Variants in KCTD8 observed in about 807,000 individuals in gnomAD.
The protein encoded by KCTD8 is BTB/POZ domain-containing protein KCTD8.
KCTD8 carries 27 observed loss-of-function variants against 31.5 expected under a neutral mutation model. The ratio of observed to expected loss-of-function variants is 0.86; its 90% confidence interval spans 0.63 to 1.18. The LOEUF is 1.18. KCTD8 is among the 50% of genes most tolerant of loss of function. The probability of loss-of-function intolerance (pLI) is 0.00; values close to 1 mark genes in which losing one functional copy is unlikely to be tolerated. For synonymous variants in KCTD8, 290 were observed against 280.0 expected, an observed-to-expected ratio of 1.04 and a Z score of -0.36; for missense variants, 658 against 647.7, an observed-to-expected ratio of 1.02 and a Z score of -0.17.
intron 1 of KCTD8, among the ~76,000 whole-genome samples, chr4:44,435,623 A>T (rs1286603376): frequency 6.6e-6 from 1 of 152,114 alleles, no homozygotes; most frequent in African/African-American, 2.4e-5. Context: ...AAATGCCATA[A>T]GGGGAGTTAT....
chr4:44,187,134 C>T lies in KCTD8; in HGVS notation c.962-11884G>A, dbSNP rs117401219. 4.5e-4 allele frequency among the ~76,000 whole-genome samples: 69 copies of T among 152,210 alleles called. No homozygotes were observed. The East Asian group carries it at 0.012, about 26-fold the overall frequency. ...CCTTTGGCAAAGTTCCTACCTTATC[C>T]CTTTTAGTTTATTAAAGAGAAATAA... On this transcript the variant is annotated intron_variant, in intron 1 of 1. Transcript: ENST00000360029.
At chr4:44,431,200 C>T (rs546073220) in intron 1 of KCTD8, among the ~76,000 whole-genome samples, 1 of 151,692 alleles carries the variant, frequency 6.6e-6, no homozygotes, top group South Asian at 2.1e-4. Flanking sequence ...GAGCAGTTCA[C>T]AGCAAAACTG....
chr4:44,317,300 C>T (rs546678671), intron 1 of KCTD8, among the ~76,000 whole-genome samples: 2 of 117,614 alleles, frequency 1.7e-5, no homozygotes, highest in Admixed American at 1.0e-4. Flanking sequence ...ACTGCAGTGG[C>T]GCAATCTCGG....
In KCTD8 at chr4:44,278,688, G is replaced by T. The variant is rs76720145; in HGVS notation, c.962-103438C>A. ...AACAGTATTCAAATTTTAATGAATG[G>T]TATCTAAAATCAGAAATGATGAGAG... On this transcript the variant is annotated intron_variant, in intron 1 of 1. Transcript: ENST00000360029. Among the ~76,000 whole-genome samples, 980 of 152,042 alleles carry T rather than the reference G, an allele frequency of 6.4e-3. 5 individuals carry two copies. Among genetic ancestry groups the T allele is most frequent in the Non-Finnish European group, 0.011 (760 of 67,942 alleles).
At chr4:44,199,495 A>G (rs1404164707) in intron 1 of KCTD8, among the ~76,000 whole-genome samples, 1 of 152,130 alleles carries the variant, frequency 6.6e-6, no homozygotes. Flanking sequence ...ATCAATACCA[A>G]TAAGACCTCT....
chr4:44,231,153 A>C (rs186571534), intron 1 of KCTD8, among the ~76,000 whole-genome samples: 1 of 152,258 alleles, frequency 6.6e-6, no homozygotes, highest in Admixed American at 6.5e-5. Flanking sequence ...GCTATTCAAT[A>C]ATCTCAATTA....
chr4:44,437,039 G>T (rs987723122), intron 1 of KCTD8, among the ~76,000 whole-genome samples: 1 of 148,066 alleles, frequency 6.8e-6, no homozygotes, highest in African/African-American at 2.5e-5. Flanking sequence ...CTGTCCAGAA[G>T]TGCACAATGA....
intron 1 of KCTD8, among the ~76,000 whole-genome samples, chr4:44,350,067 C>A (rs1719158249): frequency 1.3e-5 from 2 of 152,102 alleles, no homozygotes; most frequent in African/African-American, 2.4e-5. Flanking sequence ...ATAGATTTTG[C>A]AAATGTTTAC....
intron 1 of KCTD8, among the ~76,000 whole-genome samples, chr4:44,257,852 C>T (rs758887856): frequency 6.6e-6 from 1 of 151,940 alleles, no homozygotes; most frequent in South Asian, 2.1e-4. Flanking sequence ...TGTCAGGGCA[C>T]AAGTCTTCAT....
At chr4:44,236,649 T>C (rs534069432) in intron 1 of KCTD8, among the ~76,000 whole-genome samples, 1 of 152,266 alleles carries the variant, frequency 6.6e-6, no homozygotes, top group African/African-American at 2.4e-5. Flanking sequence ...AAGGTACATA[T>C]TGATACATAT....
At chr4:44,373,727 T>G (rs1419608722) in intron 1 of KCTD8, among the ~76,000 whole-genome samples, 1 of 152,096 alleles carries the variant, frequency 6.6e-6, no homozygotes, top group Non-Finnish European at 1.5e-5. Context: ...ATTAACAGAT[T>G]GTTTTTTCCC....
At chr4:44,327,404 C>T (rs894659030) in intron 1 of KCTD8, among the ~76,000 whole-genome samples, 1 of 151,760 alleles carries the variant, frequency 6.6e-6, no homozygotes, top group African/African-American at 2.4e-5. Flanking sequence ...TAGTTCTCTC[C>T]TTACCACATT....
intron 1 of KCTD8, among the ~76,000 whole-genome samples, chr4:44,445,889 ATACT>A (rs1428903063): frequency 6.6e-6 from 1 of 152,240 alleles, no homozygotes. Context: ...TGGTGCTAAA[ATACT>A]TAATTACTCA....
chr4:44,311,934 TAAC>T (rs1717963400), intron 1 of KCTD8, among the ~76,000 whole-genome samples: 1 of 151,290 alleles, frequency 6.6e-6, no homozygotes, highest in Non-Finnish European at 1.5e-5. Flanking sequence ...CCTGTGGTCA[TAAC>T]TAGACTGCCC....
At chr4:44,317,741 C>T (rs1217193423) in intron 1 of KCTD8, among the ~76,000 whole-genome samples, 1 of 152,176 alleles carries the variant, frequency 6.6e-6, no homozygotes, top group East Asian at 1.9e-4. Flanking sequence ...CAAAAAATTG[C>T]AATCTCTGGC....
chr4:44,316,813 AAAAAAAAAAAG>A (rs1718129570), intron 1 of KCTD8, among the ~76,000 whole-genome samples: 1 of 147,740 alleles, frequency 6.8e-6, no homozygotes, highest in African/African-American at 2.5e-5. Context: ...AAAAAAAAAA[AAAAAAAAAAAG>A]AAGATAAGCC....
chr4:44,364,113 T>C (rs1368188380), intron 1 of KCTD8, among the ~76,000 whole-genome samples: 2 of 152,086 alleles, frequency 1.3e-5, no homozygotes, highest in Non-Finnish European at 2.9e-5. Flanking sequence ...AACTTCTGTT[T>C]GTCAAAAGAC....
chr4:44,313,855 G>A (rs1042292280), intron 1 of KCTD8, among the ~76,000 whole-genome samples: 2 of 152,154 alleles, frequency 1.3e-5, no homozygotes, highest in Non-Finnish European at 2.9e-5. Context: ...GCAGGGATGT[G>A]AGGAAAGACA....
Position 44,448,605 on chromosome 4 carries a change from T to C in KCTD8, c.-82A>G. ...GCCCGCGCCCCAGCCCTCCGCGTGC[T>C]CCTGGCGCTCTGCGCCCTCGGACTG... On this transcript the variant is annotated 5_prime_UTR_variant, in exon 1 of 2. Transcript: ENST00000360029. This position sits in a 1 kb window ranked among gnomAD's most constrained non-coding sequence, Gnocchi z 4.1. The C allele has an allele frequency of 7.5e-7, 1 of 1,325,806 alleles. No homozygotes were observed. Among genetic ancestry groups the C allele is most frequent in the Non-Finnish European group, 9.6e-7 (1 of 1,037,544 alleles). 82.1% of individuals were successfully genotyped at this position (1,325,806 alleles called of 1,614,324 possible).
Sources: gnomAD v4.1 joint callset for allele counts (sites outside exome capture counted in the v4.1 genomes callset) on GRCh38, gnomAD v4.1.1 for gene constraint, Gnocchi (gnomAD v3.1) non-coding constraint, MANE v1.5 for transcripts, NCBI Gene and HGNC (gene_info 2026-07-23, HGNC 2026-07-21) for gene names.